Variants in EP400 observed in about 807,000 individuals in gnomAD.
EP400 encodes the protein E1A-binding protein p400.
EP400 carries 105 observed loss-of-function variants against 354.1 expected under a neutral mutation model. The observed-to-expected ratio is 0.30, with a 90% CI of 0.25 to 0.35. The LOEUF is 0.35. Ranked by LOEUF, EP400 falls within the 10% of genes least tolerant of loss-of-function variation. The pLI, the probability that EP400 is intolerant of heterozygous loss-of-function variation, is 1.00. For missense variants in EP400, 3,280 were observed against 4,121.0 expected (o/e 0.80, Z 5.59); for synonymous variants, 1,646 against 1,716.9 (o/e 0.96, Z 1.02).
Position 132,029,122 on chromosome 12 carries a change from A to G in EP400, c.5382-579A>G, listed in dbSNP as rs1894399636. 6.5e-6 allele frequency: 1 copy of G among 153,526 alleles called. No homozygotes were observed. The highest frequency in any genetic ancestry group is 2.4e-5 in the African/African-American group (1 of 41,432). The allele number at this position is 153,526 out of a possible 1,614,324, so 9.5% of individuals were successfully genotyped here. ...ATTTGTCTTTGTGTACTCCTCCCTCATTGAACATCATGGGTGACCATTCGT... is the reference window on the plus strand; with the variant it reads ...ATTTGTCTTTGTGTACTCCTCCCTCGTTGAACATCATGGGTGACCATTCGT... On this transcript the variant is annotated intron_variant, in intron 27 of 52. Coordinates refer to ENST00000389561, the MANE Select transcript of EP400 (RefSeq NM_015409.5). The surrounding 1 kb of genome is among the most constrained non-coding windows in gnomAD (Gnocchi z 4.7).
At chr12:132,051,077 G>T in intron 41 of EP400, 1 of 264,462 alleles carries the variant, frequency 3.8e-6, no homozygotes, top group African/African-American at 2.2e-5. Context: ...ATGAATGAAT[G>T]GATGGGTACA....
At chr12:131,978,487 A>G (rs1483845641) in intron 2 of EP400, among the ~76,000 whole-genome samples, 1 of 152,088 alleles carries the variant, frequency 6.6e-6, no homozygotes, top group Non-Finnish European at 1.5e-5. Context: ...ATCATGTAGC[A>G]TGTCGCCTTT....
chr12:131,959,625 A>G (rs891151886), intron 1 of EP400, among the ~76,000 whole-genome samples: 1 of 152,168 alleles, frequency 6.6e-6, no homozygotes, highest in East Asian at 1.9e-4. Context: ...ACAGCCTCCC[A>G]GAGAGTTTGC....
intron 45 of EP400, among the ~76,000 whole-genome samples, chr12:132,058,829 C>A (rs1226615768): frequency 6.7e-6 from 1 of 148,216 alleles, no homozygotes; most frequent in Non-Finnish European, 1.5e-5. Context: ...TGCTGTTGCT[C>A]TGGCTGGAGT....
chr12:132,055,705 T>G (rs1346610752), intron 45 of EP400, among the ~76,000 whole-genome samples: 18 of 130,418 alleles, frequency 1.4e-4, no homozygotes, highest in South Asian at 5.1e-4. Context: ...AGTGTAGGGG[T>G]GTGTGTGTGT....
At position 132,027,163 on chromosome 12, in the gene EP400, C is replaced by T. The variant is rs1894335770; in HGVS notation, c.5015-274C>T. ...CTTCTGGGTGGCTCTGGAGTGCCTC[C>T]CAAAAGAAAGGGATAAGCTGCTGGC... On this transcript the variant is annotated intron_variant, in intron 25 of 52. Transcript: ENST00000389561. This position sits in a 1 kb window ranked among gnomAD's most constrained non-coding sequence, Gnocchi z 4.9. 6.6e-6 allele frequency among the ~76,000 whole-genome samples: 1 copy of T among 152,156 alleles called. No homozygotes were observed. The highest frequency in any genetic ancestry group is 2.4e-5 in the African/African-American group (1 of 41,428).
rs114266464 is a variant in EP400, at chr12:132,025,505, A to G, written c.4856-141A>G. On this transcript the variant is annotated intron_variant, in intron 24 of 52. Transcript: ENST00000389561. This position sits in a 1 kb window ranked among gnomAD's most constrained non-coding sequence, Gnocchi z 4.1. Reference sequence around the variant, plus strand: ...ATGGGTTGCCACTTTCCTCACAGTAACTGAACTTTGCATTGATTTTTTTGT... The same window carrying G: ...ATGGGTTGCCACTTTCCTCACAGTAGCTGAACTTTGCATTGATTTTTTTGT... 493 of 1,016,770 alleles carry G rather than the reference A, an allele frequency of 4.8e-4. 2 individuals are homozygous for G. In the African/African-American group the frequency reaches 7.2e-3, roughly 15 times the overall value. The allele number at this position is 1,016,770 out of a possible 1,614,324, so 63.0% of individuals were successfully genotyped here. A position where few individuals can be genotyped will look rare whatever the true frequency, so the allele number is the denominator to read the frequency against.
intron 1 of EP400, among the ~76,000 whole-genome samples, chr12:131,950,835 C>G (rs1891450015): frequency 6.6e-6 from 1 of 152,214 alleles, no homozygotes; most frequent in South Asian, 2.1e-4. Context: ...CTCACTAGAG[C>G]CTCGACCTCC....
chr12:132,006,015 A>T, intron 13 of EP400, 97 bp from the exon 14 acceptor site: 6 of 1,150,508 alleles, frequency 5.2e-6, no homozygotes, highest in Non-Finnish European at 7.3e-6. Context: ...TATTTAAAGT[A>T]GTTGGATTCT....
chr12:132,064,311 C>T (rs1895814050), intron 47 of EP400, among the ~76,000 whole-genome samples: 1 of 152,222 alleles, frequency 6.6e-6, no homozygotes, highest in African/African-American at 2.4e-5. Flanking sequence ...TCATGATCAA[C>T]TCAGTATAGG....
At chr12:131,981,843 A>G (rs879261969) in intron 4 of EP400, among the ~76,000 whole-genome samples, 4 of 152,098 alleles carry the variant, frequency 2.6e-5, no homozygotes, top group Non-Finnish European at 5.9e-5. Flanking sequence ...TTTTACTCCT[A>G]TGTTTTTCCT....
chr12:132,043,507 A>G (rs374498164), intron 33 of EP400, 45 bp downstream of exon 33: 12 of 1,595,158 alleles, frequency 7.5e-6, no homozygotes, highest in African/African-American at 2.7e-5. Context: ...TAAAAATTTG[A>G]CGCTTCTATA....
At chr12:132,049,257 G>T (rs1895216539) in intron 39 of EP400, among the ~76,000 whole-genome samples, 1 of 152,222 alleles carries the variant, frequency 6.6e-6, no homozygotes, top group Non-Finnish European at 1.5e-5. Flanking sequence ...CTCTGACTTG[G>T]CTCAGTTGAG....
chr12:131,954,239 C>A (rs932505559), intron 1 of EP400, among the ~76,000 whole-genome samples: 5 of 151,096 alleles, frequency 3.3e-5, no homozygotes, highest in East Asian at 2.0e-4. Flanking sequence ...AAAAAAAAAA[C>A]CAACACATTT....
intron 10 of EP400, 119 bp downstream of exon 10, chr12:131,991,575 T>TA: frequency 1.9e-5 from 17 of 890,308 alleles, no homozygotes; most frequent in Non-Finnish European, 2.6e-5. Flanking sequence ...TCCTTTCTTT[T>TA]CTTTTTTTTT....
chr12:131,954,250 C>T (rs951491224), intron 1 of EP400, among the ~76,000 whole-genome samples: 2 of 151,252 alleles, frequency 1.3e-5, no homozygotes, highest in Non-Finnish European at 2.9e-5. Flanking sequence ...CAACACATTT[C>T]AAAATGTGTG....
Position 132,062,316 on chromosome 12 carries a change from G to C in EP400, c.8091G>C (p.Val2697=). Residue 2697 remains valine (V), a synonymous_variant, in exon 46 of 53, where the codon GTG becomes GTC. Coordinates refer to ENST00000389561, the MANE Select transcript of EP400 (RefSeq NM_015409.5). Reference sequence around the variant, plus strand: ...CGGCACGGTCTTTGGTGCCCCAAGTGTCCCAAGGTAAAGCCAGGCTGGGAG... The same window carrying C: ...CGGCACGGTCTTTGGTGCCCCAAGTCTCCCAAGGTAAAGCCAGGCTGGGAG... ...QTPARSLVPQ[V]SQATGVQLPG... is the part of the protein sequence containing the mutation. 6.2e-7 allele frequency: 1 copy of C among 1,614,124 alleles called. No individual in the cohort carries two copies. The highest frequency in any genetic ancestry group is 1.1e-5 in the South Asian group (1 of 91,080).
intron 51 of EP400, among the ~76,000 whole-genome samples, chr12:132,074,522 C>T (rs773876433): frequency 4.6e-5 from 7 of 152,220 alleles, no homozygotes; most frequent in African/African-American, 7.2e-5. Flanking sequence ...TTTGCAGTTT[C>T]ATTCCAATGC....
Position 132,078,307 on chromosome 12 carries a change from G to C in EP400, c.*634G>C, listed in dbSNP as rs1398725101. On this transcript the variant is annotated 3_prime_UTR_variant, in exon 53 of 53. Coordinates refer to ENST00000389561, the MANE Select transcript of EP400 (RefSeq NM_015409.5). ...AACACACAAGGCACGTTCCTGGCCT[G>C]TGTTCAAGGGAAATGATCAGTCATT... The C allele has an allele frequency of 1.3e-5, 2 of 152,700 alleles. No individual in the cohort carries two copies. Among genetic ancestry groups the C allele is most frequent in the African/African-American group, 4.8e-5 (2 of 41,472 alleles). 9.5% of individuals were successfully genotyped at this position (152,700 alleles called of 1,614,324 possible).
Sources: gnomAD v4.1 joint callset for allele counts (sites outside exome capture counted in the v4.1 genomes callset) on GRCh38, gnomAD v4.1.1 for gene constraint, Gnocchi (gnomAD v3.1) non-coding constraint, MANE v1.5 for transcripts, NCBI Gene and HGNC (gene_info 2026-07-23, HGNC 2026-07-21) for gene names.